The following DPF3 variants were observed in gnomAD, a reference collection of about 807,000 sequenced individuals.
DPF3 encodes double PHD fingers 3.
In DPF3, 18 loss-of-function variants were observed where a neutral mutation model predicts 56.8. That is an observed-to-expected ratio of 0.32 (90% CI 0.22 to 0.47). The LOEUF (loss-of-function observed/expected upper bound fraction) is 0.47. DPF3 is among the 20% of genes least tolerant of loss of function. The pLI is 1.00. For synonymous variants in DPF3, 188 were observed against 180.2 expected (o/e 1.04, Z -0.35); for missense variants, 403 against 488.8 (o/e 0.82, Z 1.65).
chr14:72,780,535 G>T (rs1891928620), intron 1 of DPF3, among the ~76,000 whole-genome samples: 1 of 152,188 alleles, frequency 6.6e-6, no homozygotes, highest in Non-Finnish European at 1.5e-5. Context: ...CAGTTGAGAG[G>T]TGCTTGGAAC....
chr14:72,839,495 T>G (rs1398969487), intron 1 of DPF3, among the ~76,000 whole-genome samples: 1 of 151,992 alleles, frequency 6.6e-6, no homozygotes, highest in East Asian at 1.9e-4. Flanking sequence ...GGAAGTGAGA[T>G]CCACGTGAAA....
chr14:72,726,602 A>C lies in DPF3; in HGVS notation c.430-2874T>G, dbSNP rs570549536. ...CAGAAGCCTCTCGACATAATTCAGG[A>C]GGAGCCAGGAGTTTCTAACAAACAA... On this transcript the variant is annotated intron_variant, in intron 4 of 10. Transcript: ENST00000556509. Among the ~76,000 whole-genome samples, 6 of 152,266 alleles carry C rather than the reference A, an allele frequency of 3.9e-5. No individual in the cohort carries two copies. In the East Asian group the frequency reaches 1.2e-3, roughly 29 times the overall value.
chr14:72,859,000 TATATTTAAACAGTAACTGG>T (rs1885277531), intron 1 of DPF3, among the ~76,000 whole-genome samples: 1 of 152,204 alleles, frequency 6.6e-6, no homozygotes, highest in South Asian at 2.1e-4. Flanking sequence ...TATACACATA[TATATTTAAACAGTAACTGG>T]ATATTTAATA....
chr14:72,622,623 A>G (rs1192792728), intron 9 of DPF3, among the ~76,000 whole-genome samples: 2 of 152,228 alleles, frequency 1.3e-5, no homozygotes, highest in South Asian at 2.1e-4. Context: ...TGCATTTTGC[A>G]TGGGTTGACC....
chr14:72,658,430 G>C (rs964909377), intron 8 of DPF3, among the ~76,000 whole-genome samples: 21 of 152,028 alleles, frequency 1.4e-4, no homozygotes, highest in Non-Finnish European at 2.9e-4. Context: ...ACTCAAATAT[G>C]GTTCTAGTTA....
intron 6 of DPF3, among the ~76,000 whole-genome samples, chr14:72,700,797 A>G (rs539988016): frequency 1.8e-4 from 27 of 152,342 alleles, no homozygotes; most frequent in African/African-American, 5.8e-4. Context: ...AAGGTGGATC[A>G]TGACAGCACA....
At chr14:72,850,340 G>C (rs189416830) in intron 1 of DPF3, among the ~76,000 whole-genome samples, 1 of 151,756 alleles carries the variant, frequency 6.6e-6, no homozygotes, top group East Asian at 1.9e-4. Flanking sequence ...CCTATTCTTC[G>C]TCTCCTACAG....
At chr14:72,732,014 G>A in intron 3 of DPF3, 80 bp from the exon 4 acceptor site, 1 of 1,514,298 alleles carries the variant, frequency 6.6e-7, no homozygotes, top group Non-Finnish European at 8.9e-7. Flanking sequence ...GGACACGCAG[G>A]GCCCAGGGCT....
In DPF3 at chr14:72,613,024, GTGTGTGTA is replaced by G. The variant is rs1348205322; in HGVS notation, c.*6265_*6272del. ...TGTGTGTGTGTGTGTGTGTGTGTGT[GTGTGTGTA>G]TGTGCGTGCGTGCACGCACGCGCAT... On this transcript the variant is annotated 3_prime_UTR_variant, in exon 11 of 11. Coordinates refer to ENST00000556509, the MANE Select transcript of DPF3 (RefSeq NM_001280542.3). 8.9e-4 allele frequency among the ~76,000 whole-genome samples: 135 copies of G among 151,720 alleles called. No individual in the cohort carries two copies. The highest frequency in any genetic ancestry group is 3.0e-3 in the African/African-American group (125 of 41,378).
chr14:72,749,425 G>C (rs2139893597), intron 3 of DPF3, among the ~76,000 whole-genome samples: 1 of 152,324 alleles, frequency 6.6e-6, no homozygotes, highest in Middle Eastern at 3.4e-3. Context: ...TAAGCAAAAG[G>C]ACTTGCCTTG....
chr14:72,742,241 T>C (rs546663116), intron 3 of DPF3, among the ~76,000 whole-genome samples: 29 of 152,252 alleles, frequency 1.9e-4, no homozygotes, highest in African/African-American at 7.0e-4. Context: ...AGGAAAGAGA[T>C]AAATGACTGG....
chr14:72,710,428 T>A (rs756773137), intron 6 of DPF3, among the ~76,000 whole-genome samples: 77 of 152,236 alleles, frequency 5.1e-4, no homozygotes, highest in Admixed American at 4.2e-3. Context: ...GGAGAATTCC[T>A]GGAGACTCCA....
At chr14:72,722,406 G>A (rs1336941099) in intron 5 of DPF3, among the ~76,000 whole-genome samples, 6 of 152,194 alleles carry the variant, frequency 3.9e-5, no homozygotes, top group African/African-American at 7.2e-5. Context: ...GATGTGCAGC[G>A]GCCGCCTGGG....
rs1599300443 is a variant in DPF3 at position 72,613,255 on chromosome 14, T to C, written c.*6042A>G. ...TCTGCCATTTCCTACAAGGCCCACT[T>C]ACCTGCCCTCCCGTCCCCACCATGG... is the stretch of plus-strand genomic sequence containing the variant. On this transcript the variant is annotated 3_prime_UTR_variant, in exon 11 of 11. Transcript: ENST00000556509. 6.6e-6 allele frequency among the ~76,000 whole-genome samples: 1 copy of C among 152,302 alleles called. No homozygotes were observed. The highest frequency in any genetic ancestry group is 1.9e-4 in the East Asian group (1 of 5,170).
At chr14:72,844,547 A>G (rs1322464356) in intron 1 of DPF3, among the ~76,000 whole-genome samples, 1 of 152,240 alleles carries the variant, frequency 6.6e-6, no homozygotes. Context: ...AAAAATGAAG[A>G]AATGCAAAGC....
At chr14:72,662,058 G>C in intron 8 of DPF3, 9 of 984,904 alleles carry the variant, frequency 9.1e-6, no homozygotes, top group Non-Finnish European at 1.1e-5. Context: ...ATGAGGGTGG[G>C]GGAAACTGCT....
intron 8 of DPF3, among the ~76,000 whole-genome samples, chr14:72,667,402 C>A (rs1310459780): frequency 6.6e-6 from 1 of 152,154 alleles, no homozygotes; most frequent in Non-Finnish European, 1.5e-5. Flanking sequence ...TTAGAAAGTT[C>A]TATATCTTTG....
intron 4 of DPF3, among the ~76,000 whole-genome samples, chr14:72,725,757 G>C: frequency 6.6e-6 from 1 of 152,066 alleles, no homozygotes; most frequent in East Asian, 1.9e-4. Context: ...TGTCCTCAAA[G>C]CAGGAAGCCC....
chr14:72,871,447 A>G (rs61988468), intron 1 of DPF3, among the ~76,000 whole-genome samples: 26,516 of 152,232 alleles, frequency 0.17, 2,477 homozygotes, highest in Non-Finnish European at 0.2. Context: ...CTAGGTATGC[A>G]ATTCCAAGTG....
Sources: gnomAD v4.1 joint callset for allele counts (sites outside exome capture counted in the v4.1 genomes callset) on GRCh38, gnomAD v4.1.1 for gene constraint, MANE v1.5 for transcripts, NCBI Gene and HGNC (gene_info 2026-07-23, HGNC 2026-07-21) for gene names.